BASP1: variants seen among roughly 807,000 people sequenced by gnomAD.
BASP1 encodes the protein brain acid soluble protein 1.
In BASP1, 1 loss-of-function variant was observed where a neutral mutation model predicts 2.2. The observed-to-expected ratio is 0.46, with a 90% confidence interval of 0.16 to 2.17. The LOEUF (loss-of-function observed/expected upper bound fraction) is 2.17. Ranked by LOEUF, BASP1 falls within the 30% of genes most tolerant of loss-of-function variation. The probability of loss-of-function intolerance (pLI) is 0.27; values close to 1 mark genes in which losing one functional copy is unlikely to be tolerated. For synonymous variants in BASP1, 187 were observed against 154.2 expected (o/e 1.21, Z -1.58); for missense variants, 352 against 327.2 (o/e 1.08, Z -0.58).
At chr5:17,224,727 A>G (rs1377794300) in intron 1 of BASP1, among the ~76,000 whole-genome samples, 8 of 152,190 alleles carry the variant, frequency 5.3e-5, no homozygotes, top group Non-Finnish European at 1.0e-4. Flanking sequence ...AGGACTATAA[A>G]TGTGGATTTG....
chr5:17,220,907 A>G (rs1482344), intron 1 of BASP1, among the ~76,000 whole-genome samples: 99,228 of 151,960 alleles, frequency 0.65, 33,139 homozygotes, highest in Non-Finnish European at 0.73. Context: ...TTTCATTTGG[A>G]GGAGATTTGA....
At chr5:17,249,931 G>T (rs1740067755) in intron 1 of BASP1, among the ~76,000 whole-genome samples, 1 of 151,928 alleles carries the variant, frequency 6.6e-6, no homozygotes, top group Non-Finnish European at 1.5e-5. Context: ...GTACACCATT[G>T]ATTTTAATTT....
intron 1 of BASP1, among the ~76,000 whole-genome samples, chr5:17,252,229 ATT>A (rs1295009364): frequency 6.6e-6 from 1 of 152,144 alleles, no homozygotes; most frequent in Non-Finnish European, 1.5e-5. Flanking sequence ...TTCGGCTATT[ATT>A]TTTTGGTATT....
intron 1 of BASP1, among the ~76,000 whole-genome samples, chr5:17,258,576 G>A (rs559485840): frequency 1.3e-5 from 2 of 152,142 alleles, no homozygotes; most frequent in African/African-American, 2.4e-5. Flanking sequence ...TATTAGACAC[G>A]TTATACAGAA....
intron 1 of BASP1, among the ~76,000 whole-genome samples, chr5:17,243,975 A>AT (rs538170193): frequency 1.6e-3 from 238 of 152,336 alleles, no homozygotes; most frequent in African/African-American, 5.3e-3. Context: ...GATAAAGATA[A>AT]TTTTTTTGCA....
chr5:17,245,519 C>T (rs1358032508), intron 1 of BASP1, among the ~76,000 whole-genome samples: 1 of 152,106 alleles, frequency 6.6e-6, no homozygotes, highest in Non-Finnish European at 1.5e-5. Context: ...CCAAATCTAT[C>T]AATACCACTT....
chr5:17,274,621 T>C (rs1424734122), intron 1 of BASP1, among the ~76,000 whole-genome samples: 2 of 152,210 alleles, frequency 1.3e-5, no homozygotes. Flanking sequence ...GAAAAACAGA[T>C]AGCGCTCCTC....
rs554330855 is a variant in BASP1, at chr5:17,265,334, A to C, written c.-9-9874A>C. Among the ~76,000 whole-genome samples the C allele has an allele frequency of 7.2e-5, 11 of 152,344 alleles. No homozygotes were observed. In the South Asian group the frequency reaches 2.3e-3, roughly 32 times the overall value. On this transcript the variant is annotated intron_variant, in intron 1 of 1. Coordinates refer to ENST00000322611, the MANE Select transcript of BASP1 (RefSeq NM_006317.5). ...GCGAAGACTTGAATAACATTAAATA[A>C]TGGATGTAACCAACAAAGTGCTACT...
chr5:17,231,553 G>A (rs1324267821), intron 1 of BASP1, among the ~76,000 whole-genome samples: 1 of 152,020 alleles, frequency 6.6e-6, no homozygotes, highest in Admixed American at 6.6e-5. Context: ...ACCCTCTTCA[G>A]CCATACCAAC....
At chr5:17,267,897 G>A (rs769884146) in intron 1 of BASP1, among the ~76,000 whole-genome samples, 11 of 142,030 alleles carry the variant, frequency 7.7e-5, no homozygotes, top group Admixed American at 3.0e-4. Flanking sequence ...TTGAAATGAC[G>A]TATGAAGACA....
intron 1 of BASP1, among the ~76,000 whole-genome samples, chr5:17,218,717 C>T (rs1739322722): frequency 6.6e-6 from 1 of 152,240 alleles, no homozygotes; most frequent in Middle Eastern, 3.4e-3. Flanking sequence ...AAAGCTGAAA[C>T]CCGGCGCCCG....
chr5:17,237,636 T>C (rs1579486521), intron 1 of BASP1, among the ~76,000 whole-genome samples: 1 of 112,702 alleles, frequency 8.9e-6, no homozygotes, highest in African/African-American at 3.6e-5. Flanking sequence ...TTTTTTTTTT[T>C]TCCGTGATGG....
chr5:17,236,564 C>A lies in BASP1; in HGVS notation c.-10+18754C>A, dbSNP rs185741166. The stretch of plus-strand genomic sequence containing the variant: ...ACAGGCGTGAGCCACCGCGCTCGGC[C>A]GAGAGCTAGTTTCCTGATTGATAAA... On this transcript the variant is annotated intron_variant, in intron 1 of 1. Transcript: ENST00000322611. The surrounding 1 kb of genome is among the most constrained non-coding windows in gnomAD (Gnocchi z 4.0). Among the ~76,000 whole-genome samples the A allele has an allele frequency of 6.6e-6, 1 of 152,252 alleles. No individual in the cohort carries two copies. The highest frequency in any genetic ancestry group is 2.1e-4 in the South Asian group (1 of 4,824).
intron 1 of BASP1, among the ~76,000 whole-genome samples, chr5:17,253,869 C>T (rs1740149616): frequency 6.6e-6 from 1 of 151,976 alleles, no homozygotes; most frequent in South Asian, 2.1e-4. Context: ...AGACCACCGA[C>T]ACATTCAGGA....
At position 17,260,543 on chromosome 5, in the gene BASP1, C is replaced by T. The variant is rs572336465; in HGVS notation, c.-9-14665C>T. Among the ~76,000 whole-genome samples, 11 of 152,194 alleles carry T rather than the reference C, an allele frequency of 7.2e-5. No individual in the cohort carries two copies. The South Asian group carries it at 1.5e-3, about 20-fold the overall frequency. ...TCATGGATGGCGCCTGGAACTTGACCGCATTTCATTTAATGCAACGGAAAT... is the reference window on the plus strand; with the variant it reads ...TCATGGATGGCGCCTGGAACTTGACTGCATTTCATTTAATGCAACGGAAAT... On this transcript the variant is annotated intron_variant, in intron 1 of 1. Coordinates refer to ENST00000322611, the MANE Select transcript of BASP1 (RefSeq NM_006317.5). The surrounding 1 kb of genome is among the most constrained non-coding windows in gnomAD (Gnocchi z 4.2).
intron 1 of BASP1, among the ~76,000 whole-genome samples, chr5:17,234,209 T>C (rs1739694070): frequency 6.6e-6 from 1 of 152,130 alleles, no homozygotes; most frequent in African/African-American, 2.4e-5. Flanking sequence ...TTGGTAGATG[T>C]TTAGAGTCTA....
intron 1 of BASP1, among the ~76,000 whole-genome samples, chr5:17,231,728 C>A (rs1386913774): frequency 6.6e-6 from 1 of 152,206 alleles, no homozygotes; most frequent in Non-Finnish European, 1.5e-5. Context: ...TTTGTCCCTG[C>A]ATTTGCCAGA....
In BASP1 at chr5:17,257,386, C is replaced by T. The variant is rs900566928; in HGVS notation, c.-9-17822C>T. Among the ~76,000 whole-genome samples, 7 of 152,088 alleles carry T rather than the reference C, an allele frequency of 4.6e-5. No individual in the cohort carries two copies. In the East Asian group the frequency reaches 1.3e-3, roughly 29 times the overall value. On this transcript the variant is annotated intron_variant, in intron 1 of 1. Transcript: ENST00000322611. Reference sequence around the variant, plus strand: ...TCCTATTGTTTACCTGTGTTGAATACAGTAATTGGTCCCACCGATCTTTTA... The same window carrying T: ...TCCTATTGTTTACCTGTGTTGAATATAGTAATTGGTCCCACCGATCTTTTA...
intron 1 of BASP1, among the ~76,000 whole-genome samples, chr5:17,219,219 C>T (rs1739340663): frequency 6.6e-6 from 1 of 152,076 alleles, no homozygotes; most frequent in Non-Finnish European, 1.5e-5. Context: ...CGCGCATGCG[C>T]CGGAGAGCAG....
Sources: gnomAD v4.1 joint callset for allele counts (sites outside exome capture counted in the v4.1 genomes callset) on GRCh38, gnomAD v4.1.1 for gene constraint, Gnocchi (gnomAD v3.1) non-coding constraint, MANE v1.5 for transcripts, NCBI Gene and HGNC (gene_info 2026-07-23, HGNC 2026-07-21) for gene names.